PCSK5: variants seen among roughly 807,000 people sequenced by gnomAD.
PCSK5 encodes prohormone convertase 5.
PCSK5 carries 129 observed loss-of-function variants against 233.2 expected under a neutral mutation model. The observed-to-expected ratio is 0.55, with a 90% CI of 0.48 to 0.64. The LOEUF (loss-of-function observed/expected upper bound fraction) is 0.64, where lower values mean the gene tolerates loss of function less well. Among genes scored for constraint, PCSK5 ranks in the 30% least tolerant of loss-of-function variants. The probability of loss-of-function intolerance (pLI) is 0.00; values close to 1 mark genes in which losing one functional copy is unlikely to be tolerated. For synonymous variants in PCSK5, 825 were observed against 879.2 expected, an observed-to-expected ratio of 0.94 and a Z score of 1.09; for missense variants, 2,076 against 2,430.1, an observed-to-expected ratio of 0.85 and a Z score of 3.06.
chr9:76,321,562 G>T lies in PCSK5; in HGVS notation c.4025G>T (p.Arg1342Met). 5 of 1,612,690 alleles carry T rather than the reference G, an allele frequency of 3.1e-6. No homozygotes were observed. The highest frequency in any genetic ancestry group is 4.2e-6 in the Non-Finnish European group (5 of 1,179,724). The change falls in exon 31 of 38, where the codon AGG becomes ATG. Residue 1342 changes from arginine to methionine, a missense_variant. Arg to Met is a moderately conservative substitution (Grantham distance 91). Coordinates refer to ENST00000674117, the MANE Select transcript of PCSK5 (RefSeq NM_001372043.1). ...HGVCQENCPE[R>M]HVAVKGVCKH... ...GTGTGCCAGGAAAACTGCCCCGAGAGGCACGTGGCTGTGAAGGGGGTATGC... is the reference window on the plus strand; with the variant it reads ...GTGTGCCAGGAAAACTGCCCCGAGATGCACGTGGCTGTGAAGGGGGTATGC...
At chr9:76,185,534 A>G (rs1342514961) in intron 17 of PCSK5, among the ~76,000 whole-genome samples, 1 of 152,172 alleles carries the variant, frequency 6.6e-6, no homozygotes, top group East Asian at 1.9e-4. Flanking sequence ...TACATTCTTC[A>G]CCATTAACCA....
At chr9:76,244,443 T>C (rs1908495) in intron 24 of PCSK5, among the ~76,000 whole-genome samples, 61,804 of 151,896 alleles carry the variant, frequency 0.41, 12,865 homozygotes, top group Middle Eastern at 0.45. Flanking sequence ...ATTTTAATAA[T>C]GTAGATTCAC....
At chr9:76,003,648 G>T (rs1827352950) in intron 3 of PCSK5, among the ~76,000 whole-genome samples, 1 of 152,166 alleles carries the variant, frequency 6.6e-6, no homozygotes, top group Non-Finnish European at 1.5e-5. Context: ...ACATTCTCCT[G>T]TATAACCAAA....
intron 20 of PCSK5, among the ~76,000 whole-genome samples, chr9:76,219,050 C>T (rs953513305): frequency 2.0e-5 from 3 of 152,146 alleles, no homozygotes; most frequent in Admixed American, 6.5e-5. Flanking sequence ...TTAATGAGAA[C>T]CGGTGAAAGA....
chr9:76,022,048 C>A (rs1043709887), intron 3 of PCSK5, among the ~76,000 whole-genome samples: 1 of 152,198 alleles, frequency 6.6e-6, no homozygotes, highest in Non-Finnish European at 1.5e-5. Context: ...AGACCAACTC[C>A]TTCTCACATT....
intron 13 of PCSK5, 102 bp downstream of exon 13, chr9:76,169,942 A>AT: frequency 1.1e-6 from 1 of 903,234 alleles, no homozygotes; most frequent in South Asian, 1.6e-5. Context: ...ATCTTTTCTC[A>AT]TGTGGTTCAT....
chr9:76,335,294 G>T (rs1479896074), intron 34 of PCSK5, among the ~76,000 whole-genome samples: 1 of 152,172 alleles, frequency 6.6e-6, no homozygotes, highest in Non-Finnish European at 1.5e-5. Context: ...AGCGTGTAAA[G>T]TTCCCCAGGG....
At chr9:76,211,204 C>T (rs1825317249) in intron 20 of PCSK5, among the ~76,000 whole-genome samples, 1 of 152,222 alleles carries the variant, frequency 6.6e-6, no homozygotes, top group African/African-American at 2.4e-5. Context: ...GGATACATAA[C>T]TGAAAGTTTG....
chr9:76,152,434 C>T (rs1823712115), intron 10 of PCSK5, among the ~76,000 whole-genome samples: 1 of 152,112 alleles, frequency 6.6e-6, no homozygotes, highest in Admixed American at 6.5e-5. Flanking sequence ...CTCCTAGGCT[C>T]CTTGGAGAGA....
chr9:76,140,554 T>C (rs570262622), intron 10 of PCSK5, among the ~76,000 whole-genome samples: 5 of 152,168 alleles, frequency 3.3e-5, no homozygotes, highest in South Asian at 4.1e-4. Context: ...TTAGAATTTT[T>C]TGGGGGTTGA....
At chr9:75,950,539 A>G (rs1190407357) in intron 2 of PCSK5, among the ~76,000 whole-genome samples, 1 of 152,224 alleles carries the variant, frequency 6.6e-6, no homozygotes, top group African/African-American at 2.4e-5. Context: ...AATATTCAAC[A>G]TTCTTAAAGA....
intron 9 of PCSK5, 72 bp downstream of exon 9, chr9:76,107,423 G>A: frequency 1.2e-6 from 1 of 843,862 alleles, no homozygotes; most frequent in Admixed American, 2.2e-5. Flanking sequence ...CCCTTCCCTT[G>A]TATAGGACCC....
rs1829362984 is a variant in PCSK5, at chr9:76,046,155, C to CTT, written c.632+19121_632+19122dup. 1.7e-3 allele frequency among the ~76,000 whole-genome samples: 93 copies of CTT among 55,698 alleles called. 2 individuals are homozygous for CTT. The highest frequency in any genetic ancestry group is 3.8e-3 in the African/African-American group (73 of 19,232). 36.5% of individuals were successfully genotyped at this position (55,698 alleles called of 152,430 possible). A position where few individuals can be genotyped will look rare whatever the true frequency, so the allele number is the denominator to read the frequency against. On this transcript the variant is annotated intron_variant, in intron 5 of 37. Transcript: ENST00000674117. ...TAGTAGCATTAACACATAATTTTTT[C>CTT]TTTTGTTTTTTTTTTTTTTTTTTTT...
chr9:76,219,583 C>T (rs60871184), intron 20 of PCSK5, among the ~76,000 whole-genome samples: 1,714 of 152,226 alleles, frequency 0.011, 35 homozygotes, highest in African/African-American at 0.04. Flanking sequence ...CTCTGTGGGC[C>T]ACGCTCCTGA....
At chr9:76,207,154 T>A (rs1825150312) in intron 20 of PCSK5, among the ~76,000 whole-genome samples, 1 of 152,174 alleles carries the variant, frequency 6.6e-6, no homozygotes, top group Admixed American at 6.5e-5. Flanking sequence ...ATTATATTGG[T>A]GCCACCCTGA....
At chr9:75,929,166 C>G (rs1401033056) in intron 1 of PCSK5, among the ~76,000 whole-genome samples, 1 of 152,146 alleles carries the variant, frequency 6.6e-6, no homozygotes, top group Non-Finnish European at 1.5e-5. Context: ...ATCTCTTCAC[C>G]TCATGATCCC....
Position 76,358,527 on chromosome 9 carries a change from C to T in PCSK5, c.5269C>T (p.Arg1757Ter), listed in dbSNP as rs769457551. The T allele has an allele frequency of 2.1e-5, 34 of 1,609,326 alleles. No homozygotes were observed. Among genetic ancestry groups the T allele is most frequent in the East Asian group, 8.9e-5 (4 of 44,778 alleles). ...TCTTCCAACAGACGAATGCATCCTT[C>T]GAACAAGCAAGGTTAGGCCTGCAAC... ...CQDTTDECIL[R>*]TSKVRPATEH... is the part of the protein sequence containing the mutation. The change falls in exon 38 of 38, where the codon CGA (arginine) becomes TGA (stop). Residue 1757 changes from arginine to a stop codon, truncating the protein, a stop_gained. Coordinates refer to ENST00000674117, the MANE Select transcript of PCSK5 (RefSeq NM_001372043.1). LOFTEE classifies it low-confidence loss of function (END_TRUNC).
At chr9:76,278,631 A>G (rs578095886) in intron 24 of PCSK5, among the ~76,000 whole-genome samples, 45 of 152,290 alleles carry the variant, frequency 3.0e-4, no homozygotes, top group Admixed American at 2.8e-3. Context: ...AAAAATTAAT[A>G]TTAATATTTT....
chr9:76,331,621 T>C (rs940999467), intron 33 of PCSK5, among the ~76,000 whole-genome samples: 3 of 148,660 alleles, frequency 2.0e-5, no homozygotes, highest in African/African-American at 7.5e-5. Flanking sequence ...GAGCCAAGAT[T>C]GTGCCACTGC....
Sources: allele counts gnomAD v4.1 joint callset (sites outside exome capture counted in the v4.1 genomes callset), GRCh38; gene constraint gnomAD v4.1.1; transcripts MANE v1.5; gene names NCBI Gene and HGNC (gene_info 2026-07-23, HGNC 2026-07-21).